Variants in ADAMTS3 observed in about 807,000 individuals in gnomAD.
ADAMTS3 encodes the protein A disintegrin and metalloproteinase with thrombospondin motifs 3.
A neutral mutation model predicts 129.0 loss-of-function variants in ADAMTS3; 73 were observed. The ratio of observed to expected loss-of-function variants is 0.57; its 90% CI spans 0.47 to 0.69. The LOEUF is 0.69. Ranked by LOEUF, ADAMTS3 falls within the 30% of genes least tolerant of loss-of-function variation. The pLI, the probability that ADAMTS3 is intolerant of heterozygous loss-of-function variation, is 0.00. For missense variants in ADAMTS3, 1,457 were observed against 1,514.5 expected, an observed-to-expected ratio of 0.96 and a Z score of 0.63; for synonymous variants, 477 against 510.8, an observed-to-expected ratio of 0.93 and a Z score of 0.89.
intron 3 of ADAMTS3, among the ~76,000 whole-genome samples, chr4:72,477,202 T>A (rs1189913571): frequency 6.6e-6 from 1 of 151,880 alleles, no homozygotes; most frequent in African/African-American, 2.4e-5. Context: ...TAATAGACAT[T>A]TACAGAACAC....
intron 2 of ADAMTS3, among the ~76,000 whole-genome samples, chr4:72,553,469 C>T (rs767677723): frequency 5.9e-5 from 9 of 152,238 alleles, no homozygotes; most frequent in Non-Finnish European, 1.2e-4. Context: ...GGTCCCTAAT[C>T]CCTGCTCTTT....
At chr4:72,399,488 G>C (rs115782527) in intron 4 of ADAMTS3, among the ~76,000 whole-genome samples, 297 of 152,196 alleles carry the variant, frequency 2.0e-3, no homozygotes, top group African/African-American at 6.9e-3. Context: ...GAGTATCAGA[G>C]TCACTCATCA....
At chr4:72,426,353 T>C (rs1000519355) in intron 3 of ADAMTS3, among the ~76,000 whole-genome samples, 2 of 152,196 alleles carry the variant, frequency 1.3e-5, no homozygotes, top group Admixed American at 6.5e-5. Context: ...ATCCCATTTG[T>C]CAATTTTGGC....
intron 3 of ADAMTS3, among the ~76,000 whole-genome samples, chr4:72,510,119 G>A (rs1720274162): frequency 6.7e-6 from 1 of 150,084 alleles, no homozygotes; most frequent in Non-Finnish European, 1.5e-5. Context: ...GAAGGAACAT[G>A]CCTCAACATA....
chr4:72,311,128 A>G lies in ADAMTS3; in HGVS notation c.1975T>C (p.Tyr659His). ...CQSKETGDVAYMKQLVHDGTH... is the reference protein window; with the variant it reads ...CQSKETGDVAHMKQLVHDGTH... ...CCATCATGCACCAGTTGTTTCATGTAAGCAACATCTCCAGTCTCCTTGGAC... is the reference window on the plus strand; with the variant it reads ...CCATCATGCACCAGTTGTTTCATGTGAGCAACATCTCCAGTCTCCTTGGAC... The change falls in exon 14 of 22, where the codon TAC (tyrosine) becomes CAC (histidine). Residue 659 changes from tyrosine to histidine, a missense_variant. By Grantham distance (83) the Tyr-to-His change is moderately conservative. Transcript: ENST00000286657. 1 of 1,612,664 alleles carries G rather than the reference A, an allele frequency of 6.2e-7. No homozygotes were observed. Among genetic ancestry groups the G allele is most frequent in the South Asian group, 1.1e-5 (1 of 90,982 alleles).
At chr4:72,381,193 T>TA (rs1020533046) in intron 4 of ADAMTS3, among the ~76,000 whole-genome samples, 1 of 152,114 alleles carries the variant, frequency 6.6e-6, no homozygotes, top group African/African-American at 2.4e-5. Context: ...CAAATTCTAA[T>TA]AAAAAATCAC....
intron 3 of ADAMTS3, among the ~76,000 whole-genome samples, chr4:72,508,313 G>C (rs1009899648): frequency 2.6e-5 from 4 of 152,030 alleles, no homozygotes; most frequent in African/African-American, 9.7e-5. Flanking sequence ...AGACTGAATG[G>C]AAGAGTTAAA....
intron 3 of ADAMTS3, among the ~76,000 whole-genome samples, chr4:72,434,864 A>G (rs1463295291): frequency 6.6e-6 from 1 of 151,826 alleles, no homozygotes; most frequent in Non-Finnish European, 1.5e-5. Context: ...TGAGCCGTCT[A>G]TGCAGATGAT....
chr4:72,440,205 G>T lies in ADAMTS3; in HGVS notation c.505-25234C>A, dbSNP rs538224624. On this transcript the variant is annotated intron_variant, in intron 3 of 21. Transcript: ENST00000286657. ...GGACAAATGAAAGATGAGTTTCATAGTATTTTTCAAACAAAATTCAGTAGA... is the reference window on the plus strand; with the variant it reads ...GGACAAATGAAAGATGAGTTTCATATTATTTTTCAAACAAAATTCAGTAGA... 1.4e-4 allele frequency among the ~76,000 whole-genome samples: 22 copies of T among 151,880 alleles called. No homozygotes were observed. The South Asian group carries it at 3.7e-3, about 26-fold the overall frequency.
intron 5 of ADAMTS3, among the ~76,000 whole-genome samples, chr4:72,324,121 A>G (rs921124953): frequency 2.6e-5 from 4 of 152,226 alleles, no homozygotes. Context: ...ACTGCAACTC[A>G]GCTTCAGATC....
chr4:72,538,674 G>A (rs1721242063), intron 3 of ADAMTS3, among the ~76,000 whole-genome samples: 1 of 151,918 alleles, frequency 6.6e-6, no homozygotes, highest in Non-Finnish European at 1.5e-5. Flanking sequence ...AAATTCATAT[G>A]GTATCTCAAG....
intron 3 of ADAMTS3, among the ~76,000 whole-genome samples, chr4:72,504,688 C>G (rs1040644295): frequency 4.6e-5 from 7 of 152,086 alleles, no homozygotes; most frequent in African/African-American, 1.4e-4. Context: ...TCTCTACCTC[C>G]TCTCAGAAAC....
At chr4:72,347,834 TAA>T (rs879637096) in intron 4 of ADAMTS3, among the ~76,000 whole-genome samples, 5 of 151,994 alleles carry the variant, frequency 3.3e-5, no homozygotes, top group Non-Finnish European at 1.5e-5. Context: ...TAAGGTTTTC[TAA>T]ATAAGGTCAA....
At chr4:72,568,633 G>A in intron 1 of ADAMTS3, 61 bp downstream of exon 1, 6 of 1,325,594 alleles carry the variant, frequency 4.5e-6, no homozygotes, top group South Asian at 1.2e-5. Context: ...AGAGAGGGGA[G>A]GAACTTTTCG....
At chr4:72,423,731 T>C (rs1038991110) in intron 3 of ADAMTS3, among the ~76,000 whole-genome samples, 4 of 152,066 alleles carry the variant, frequency 2.6e-5, no homozygotes, top group Non-Finnish European at 5.9e-5. Flanking sequence ...AAAGGAAGGA[T>C]TGAGGAAGGT....
chr4:72,501,821 G>T (rs944201429), intron 3 of ADAMTS3, among the ~76,000 whole-genome samples: 71 of 152,034 alleles, frequency 4.7e-4, no homozygotes, highest in Non-Finnish European at 5.3e-4. Context: ...TTATCATACT[G>T]GGATGTTATC....
intron 16 of ADAMTS3, 34 bp downstream of exon 16, chr4:72,305,953 T>C (rs1289652325): frequency 1.3e-6 from 2 of 1,550,174 alleles, no homozygotes; most frequent in Non-Finnish European, 1.8e-6. Context: ...TTTCAGTGCA[T>C]GTTAAAGCAG....
chr4:72,369,999 C>A (rs561406488), intron 4 of ADAMTS3, among the ~76,000 whole-genome samples: 9 of 152,224 alleles, frequency 5.9e-5, no homozygotes, highest in African/African-American at 2.2e-4. Flanking sequence ...TTGTGTGAGC[C>A]CTTGAGGCCT....
At chr4:72,561,953 G>T (rs1156731182) in intron 2 of ADAMTS3, among the ~76,000 whole-genome samples, 1 of 152,196 alleles carries the variant, frequency 6.6e-6, no homozygotes, top group Non-Finnish European at 1.5e-5. Flanking sequence ...GGAAAATCAG[G>T]AGGTATAAAT....
Sources: gnomAD v4.1 joint callset for allele counts (sites outside exome capture counted in the v4.1 genomes callset) on GRCh38, gnomAD v4.1.1 for gene constraint, MANE v1.5 for transcripts, NCBI Gene and HGNC (gene_info 2026-07-23, HGNC 2026-07-21) for gene names.